The following ZDHHC13 variants were observed in gnomAD, a reference collection of about 807,000 sequenced individuals.
ZDHHC13 encodes the protein palmitoyltransferase ZDHHC13.
Under a neutral mutation model 86.0 loss-of-function variants are expected in ZDHHC13, and 85 were observed. The ratio of observed to expected loss-of-function variants is 0.99; its 90% CI spans 0.83 to 1.18. The LOEUF (loss-of-function observed/expected upper bound fraction) is 1.18. Ranked by LOEUF, ZDHHC13 falls within the 50% of genes most tolerant of loss-of-function variation. ZDHHC13 has a pLI of 0.00. For synonymous variants in ZDHHC13, 263 were observed against 246.4 expected (o/e 1.07, Z -0.63); for missense variants, 711 against 730.2 (o/e 0.97, Z 0.30).
At chr11:19,158,559 A>G (rs1389303539) in intron 9 of ZDHHC13, among the ~76,000 whole-genome samples, 2 of 152,230 alleles carry the variant, frequency 1.3e-5, no homozygotes, top group Non-Finnish European at 2.9e-5. Context: ...TCTCAAGTAT[A>G]TAAATTTTTG....
rs1322748621 is a variant in ZDHHC13, at chr11:19,163,427, G to A, written c.1233G>A (p.Val411=). The A allele has an allele frequency of 1.3e-6, 2 of 1,581,734 alleles. No homozygotes were observed. Among genetic ancestry groups the A allele is most frequent in the African/African-American group, 2.8e-5 (2 of 72,712 alleles). Residue 411 remains valine, a splice_region_variant and synonymous_variant, in exon 11 of 17, where the codon GTG becomes GTA. Transcript: ENST00000446113. ...AGGCTTCTGAAGAAGAAAAGAAAGT[G>A]GTGAGATTTCTTCGTTACTGATATT... ...FTKASEEEKK[V]NIITLAETGS... is the part of the protein sequence containing the mutation.
intron 15 of ZDHHC13, among the ~76,000 whole-genome samples, chr11:19,171,107 T>C (rs1850209824): frequency 6.6e-6 from 1 of 151,940 alleles, no homozygotes; most frequent in Non-Finnish European, 1.5e-5. Flanking sequence ...TGGATGAGAG[T>C]GGTAAGAAAT....
At position 19,146,293 on chromosome 11, in the gene ZDHHC13, G is replaced by T. The variant is rs1316115786; in HGVS notation, c.286G>T (p.Asp96Tyr). The change falls in exon 3 of 17, where the codon GAT becomes TAT. Residue 96 changes from aspartate to tyrosine, a missense_variant. Coordinates refer to ENST00000446113, the MANE Select transcript of ZDHHC13 (RefSeq NM_019028.3). ...TTGGGCTGCTATTAACAACAGACTG[G>T]ATCTTGTAAAGTAAGATGGGATATG... is the stretch of plus-strand genomic sequence containing the variant. Reference protein sequence around the residue: ...LHWAAINNRLDLVKFYISKGA... With the variant: ...LHWAAINNRLYLVKFYISKGA... The T allele has an allele frequency of 1.9e-6, 3 of 1,611,158 alleles. No homozygotes were observed. The highest frequency in any genetic ancestry group is 2.5e-6 in the Non-Finnish European group (3 of 1,179,054).
chr11:19,151,257 A>T (rs1292337693), intron 6 of ZDHHC13, among the ~76,000 whole-genome samples: 1 of 152,098 alleles, frequency 6.6e-6, no homozygotes, highest in Non-Finnish European at 1.5e-5. Flanking sequence ...GTATGTTCAG[A>T]TCAGGCACTT....
intron 14 of ZDHHC13, chr11:19,166,919 G>C (rs1217866831): frequency 6.6e-6 from 1 of 152,462 alleles, no homozygotes; most frequent in African/African-American, 2.4e-5. Context: ...CCCTGAGGAA[G>C]GAAAAAAGCT....
chr11:19,128,938 T>C (rs1258942619), intron 1 of ZDHHC13, among the ~76,000 whole-genome samples: 2 of 152,232 alleles, frequency 1.3e-5, no homozygotes, highest in Admixed American at 1.3e-4. Context: ...AAGTGTGTAA[T>C]ATGCTATACT....
intron 6 of ZDHHC13, 131 bp from the exon 7 acceptor site, chr11:19,152,027 A>C: frequency 2.2e-6 from 2 of 909,636 alleles, no homozygotes; most frequent in Non-Finnish European, 3.2e-6. Context: ...AGTACAAAGA[A>C]GTTTCTCAGT....
chr11:19,167,134 A>T (rs1451568859), intron 14 of ZDHHC13: 1 of 152,152 alleles, frequency 6.6e-6, no homozygotes, highest in Admixed American at 6.5e-5. Flanking sequence ...TAGTTTATTT[A>T]TTTGGACTTT....
chr11:19,144,040 T>C lies in ZDHHC13; in HGVS notation c.173+917T>C, dbSNP rs552447134. ...GGAGATTAATTAGCCTGTTTGGCCT[T>C]GATATGGACTAATGTATTGTCTATG... On this transcript the variant is annotated intron_variant, in intron 2 of 16. Transcript: ENST00000446113. Among the ~76,000 whole-genome samples the C allele has an allele frequency of 3.9e-5, 6 of 152,268 alleles. No homozygotes were observed. The East Asian group carries it at 5.8e-4, about 15-fold the overall frequency.
At position 19,174,746 on chromosome 11, in the gene ZDHHC13, T is replaced by C. The variant is rs148112867; in HGVS notation, c.1731-1076T>C. On this transcript the variant is annotated intron_variant, in intron 16 of 16. Coordinates refer to ENST00000446113, the MANE Select transcript of ZDHHC13 (RefSeq NM_019028.3). Reference sequence around the variant, plus strand: ...GGGTATTGGCCTGGGCCTTGAGAACTGGTAGGACTTGAAAGGATAAGGGGG... The same window carrying C: ...GGGTATTGGCCTGGGCCTTGAGAACCGGTAGGACTTGAAAGGATAAGGGGG... Among the ~76,000 whole-genome samples, 230 of 152,342 alleles carry C rather than the reference T, an allele frequency of 1.5e-3. 1 individual carries two copies. Among genetic ancestry groups the C allele is most frequent in the African/African-American group, 5.3e-3 (221 of 41,582 alleles).
chr11:19,145,353 ACT>A (rs1179356903), intron 2 of ZDHHC13, among the ~76,000 whole-genome samples: 2 of 151,954 alleles, frequency 1.3e-5, no homozygotes, highest in Non-Finnish European at 2.9e-5. Flanking sequence ...TTCGTATTTC[ACT>A]CTCTGTCCTC....
intron 1 of ZDHHC13, among the ~76,000 whole-genome samples, chr11:19,135,997 ACT>A (rs1344080713): frequency 6.6e-6 from 1 of 152,184 alleles, no homozygotes; most frequent in Non-Finnish European, 1.5e-5. Flanking sequence ...AAAACTGGAA[ACT>A]CTGAAAAGCA....
chr11:19,168,742 G>C (rs1850140050), intron 14 of ZDHHC13: 1 of 937,970 alleles, frequency 1.1e-6, no homozygotes, highest in African/African-American at 1.8e-5. Context: ...TGTATTACTA[G>C]AGCCCTGCTC....
intron 1 of ZDHHC13, among the ~76,000 whole-genome samples, chr11:19,134,560 A>T (rs1849080354): frequency 6.6e-6 from 1 of 152,214 alleles, no homozygotes; most frequent in African/African-American, 2.4e-5. Flanking sequence ...TTTTGTAGGG[A>T]CATGGATGAA....
At chr11:19,172,585 T>G in intron 15 of ZDHHC13, 138 bp from the exon 16 acceptor site, 1 of 578,840 alleles carries the variant, frequency 1.7e-6, no homozygotes, top group Non-Finnish European at 2.8e-6. Flanking sequence ...CTGATTAACT[T>G]TTTCTTTGTC....
At position 19,142,999 on chromosome 11, in the gene ZDHHC13, C is replaced by A. The variant is rs763861295; in HGVS notation, c.49C>A (p.Pro17Thr). 1 of 1,610,072 alleles carries A rather than the reference C, an allele frequency of 6.2e-7. No homozygotes were observed. The highest frequency in any genetic ancestry group is 8.5e-7 in the Non-Finnish European group (1 of 1,177,940). ...TCAGTGCAGGAATCACAGCCATGGC[C>A]CCCACCCTCCAGGATTTGGTCGATA... ...GSQCRNHSHGPHPPGFGRYGI... is the reference protein window; with the variant it reads ...GSQCRNHSHGTHPPGFGRYGI... Residue 17 changes from proline to threonine, a missense_variant, in exon 2 of 17, where the codon CCC (proline) becomes ACC (threonine). By Grantham distance (38) the Pro-to-Thr change is conservative (BLOSUM62 -1). Coordinates refer to ENST00000446113, the MANE Select transcript of ZDHHC13 (RefSeq NM_019028.3).
Position 19,117,286 on chromosome 11 carries a change from G to A in ZDHHC13, c.27+10G>A. On this transcript the variant is annotated intron_variant, in intron 1 of 16. Transcript: ENST00000446113. The surrounding 1 kb of genome is among the most constrained non-coding windows in gnomAD (Gnocchi z 4.2). ...GGGGCTGGGCTCGCAGGTGAGTGCG[G>A]CCGGGCGGTGGCTGTCCTGGGGGCC... The A allele has an allele frequency of 6.8e-7, 1 of 1,475,298 alleles. No homozygotes were observed. The highest frequency in any genetic ancestry group is 9.0e-7 in the Non-Finnish European group (1 of 1,112,306). The allele number at this position is 1,475,298 out of a possible 1,614,324, so 91.4% of individuals were successfully genotyped here.
chr11:19,158,180 A>T (rs1565036960), intron 9 of ZDHHC13, among the ~76,000 whole-genome samples: 1 of 151,900 alleles, frequency 6.6e-6, no homozygotes, highest in African/African-American at 2.4e-5. Flanking sequence ...CTGGTAGCTA[A>T]TTTTTTTTAA....
intron 8 of ZDHHC13, among the ~76,000 whole-genome samples, chr11:19,155,103 G>A (rs1335462428): frequency 6.6e-6 from 1 of 152,106 alleles, no homozygotes; most frequent in Admixed American, 6.5e-5. Context: ...GCCCAGGTTG[G>A]AGCTCTTATA....
Sources: allele counts gnomAD v4.1 joint callset (sites outside exome capture counted in the v4.1 genomes callset), GRCh38; gene constraint gnomAD v4.1.1; non-coding constraint Gnocchi (gnomAD v3.1); transcripts MANE v1.5; gene names NCBI Gene and HGNC (gene_info 2026-07-23, HGNC 2026-07-21).